Variants in MASTL observed in about 807,000 individuals in gnomAD.
MASTL encodes serine/threonine-protein kinase greatwall.
In MASTL, 54 loss-of-function variants were observed where a neutral mutation model predicts 82.5. The ratio of observed to expected loss-of-function variants is 0.65; its 90% CI spans 0.53 to 0.82. MASTL has a LOEUF of 0.82. Ranked by LOEUF, MASTL falls within the 40% of genes least tolerant of loss-of-function variation. The probability of loss-of-function intolerance (pLI) is 0.00; values close to 1 mark genes in which losing one functional copy is unlikely to be tolerated. For missense variants in MASTL, 950 were observed against 1,047.8 expected (o/e 0.91, Z 1.29); for synonymous variants, 323 against 368.9 (o/e 0.88, Z 1.43).
In MASTL at chr10:27,173,741, C is replaced by T. The variant is rs140390846; in HGVS notation, c.2266+482C>T. Among the ~76,000 whole-genome samples the T allele has an allele frequency of 2.2e-3, 332 of 151,996 alleles. 3 individuals are homozygous for T. The highest frequency in any genetic ancestry group is 7.6e-3 in the African/African-American group (314 of 41,498). On this transcript the variant is annotated intron_variant, in intron 9 of 11. Coordinates refer to ENST00000375940, the MANE Select transcript of MASTL (RefSeq NM_001172303.3). ...GATTACAGGCATCCACCATCATGCC[C>T]GCCTAATTTTTGTATTTTTAGTAGA...
chr10:27,180,983 T>G lies in MASTL; in HGVS notation c.2297T>G (p.Val766Gly). The change falls in exon 10 of 12, where the codon GTT (valine) becomes GGT (glycine). Residue 766 changes from valine to glycine, a missense_variant. Physicochemically the swap from Val to Gly is moderately radical, Grantham distance 109. Coordinates refer to ENST00000375940, the MANE Select transcript of MASTL (RefSeq NM_001172303.3). ...GPAVDWWALG[V>G]CLFEFLTGIP... ...GCGGTAGACTGGTGGGCACTTGGAG[T>G]TTGCTTGTTTGAATTTCTAACAGGA... The G allele has an allele frequency of 6.2e-7, 1 of 1,613,618 alleles. No individual in the cohort carries two copies. Among genetic ancestry groups the G allele is most frequent in the Non-Finnish European group, 8.5e-7 (1 of 1,179,504 alleles).
At chr10:27,166,436 A>C (rs1588674987) in intron 6 of MASTL, among the ~76,000 whole-genome samples, 1 of 152,318 alleles carries the variant, frequency 6.6e-6, no homozygotes, top group South Asian at 2.1e-4. Flanking sequence ...TTCCTTTGTC[A>C]GGAATGGGTT....
chr10:27,168,032 T>C (rs906374176), intron 7 of MASTL, among the ~76,000 whole-genome samples: 1 of 152,224 alleles, frequency 6.6e-6, no homozygotes, highest in African/African-American at 2.4e-5. Context: ...GTTTCCTTCA[T>C]AGAAGGCTGA....
chr10:27,186,229 C>T, intron 11 of MASTL, 150 bp from the exon 12 acceptor site: 1 of 805,608 alleles, frequency 1.2e-6, no homozygotes, highest in South Asian at 1.5e-5. Flanking sequence ...AAGTATGTGG[C>T]CTAACAGACA....
At position 27,169,844 on chromosome 10, in the gene MASTL, T is replaced by C. The variant is rs190868863; in HGVS notation, c.985-100T>C. On this transcript the variant is annotated intron_variant, in intron 7 of 11. Coordinates refer to ENST00000375940, the MANE Select transcript of MASTL (RefSeq NM_001172303.3). ...TTGAAAGTGGCAACAGGTAGCATAA[T>C]AGTTTATGGGGTCATTTATCCTACC... 5.8e-3 allele frequency: 6,746 copies of C among 1,164,268 alleles called. 33 individuals carry two copies. The highest frequency in any genetic ancestry group is 7.7e-3 in the Non-Finnish European group (6,162 of 801,708). The allele number at this position is 1,164,268 out of a possible 1,614,324, so 72.1% of individuals were successfully genotyped here.
At chr10:27,158,783 T>C (rs910266057) in intron 2 of MASTL, 97 bp downstream of exon 2, 2 of 1,360,100 alleles carry the variant, frequency 1.5e-6, no homozygotes, top group African/African-American at 1.4e-5. Context: ...GTGCTTGCAT[T>C]TGAATTCTGG....
At chr10:27,177,207 A>C (rs2058129428) in intron 9 of MASTL, among the ~76,000 whole-genome samples, 1 of 152,126 alleles carries the variant, frequency 6.6e-6, no homozygotes, top group Admixed American at 6.6e-5. Flanking sequence ...GCACTCAGTA[A>C]CTGATATTAA....
At chr10:27,183,431 G>A (rs2058443563) in intron 11 of MASTL, among the ~76,000 whole-genome samples, 1 of 151,984 alleles carries the variant, frequency 6.6e-6, no homozygotes, top group African/African-American at 2.4e-5. Flanking sequence ...CTACAGGCAT[G>A]TGCCACCACG....
At chr10:27,181,428 C>A in intron 10 of MASTL, 52 bp from the exon 11 acceptor site, 1 of 1,274,794 alleles carries the variant, frequency 7.8e-7, no homozygotes, top group Non-Finnish European at 1.1e-6. Context: ...TCTCTGGATA[C>A]TATTATTTTG....
chr10:27,181,375 G>C, intron 10 of MASTL, 105 bp from the exon 11 acceptor site: 1 of 835,094 alleles, frequency 1.2e-6, no homozygotes, highest in Non-Finnish European at 2.0e-6. Context: ...TGGGTGACAA[G>C]AGTGAAACTC....
At chr10:27,168,672 C>T (rs1271751773) in intron 7 of MASTL, among the ~76,000 whole-genome samples, 4 of 152,020 alleles carry the variant, frequency 2.6e-5, no homozygotes, top group Admixed American at 2.0e-4. Flanking sequence ...CAAAAATTAA[C>T]TGGGCGTGGT....
At chr10:27,171,190 C>T (rs2057922661) in intron 8 of MASTL, 107 bp downstream of exon 8, 2 of 957,078 alleles carry the variant, frequency 2.1e-6, no homozygotes, top group Non-Finnish European at 3.2e-6. Context: ...TAGTTCTGTT[C>T]TTCTTGTTGA....
Position 27,180,993 on chromosome 10 carries a change from T to C in MASTL, c.2307T>C (p.Phe769=). Residue 769 remains phenylalanine, a synonymous_variant, in exon 10 of 12, where the codon TTT becomes TTC. Transcript: ENST00000375940. ...GGTGGGCACTTGGAGTTTGCTTGTT[T>C]GAATTTCTAACAGGAATTCCCCCTT... ...VDWWALGVCL[F]EFLTGIPPFN... is the part of the protein sequence containing the mutation. 6.2e-7 allele frequency: 1 copy of C among 1,613,914 alleles called. No individual in the cohort carries two copies. Among genetic ancestry groups the C allele is most frequent in the South Asian group, 1.1e-5 (1 of 91,084 alleles).
chr10:27,172,894 G>T (rs1311886817), intron 8 of MASTL, among the ~76,000 whole-genome samples: 1 of 151,824 alleles, frequency 6.6e-6, no homozygotes, highest in East Asian at 1.9e-4. Flanking sequence ...GATCTTATTG[G>T]AATAATCAGT....
At chr10:27,184,750 G>A (rs1238885980) in intron 11 of MASTL, among the ~76,000 whole-genome samples, 1 of 151,512 alleles carries the variant, frequency 6.6e-6, no homozygotes, top group African/African-American at 2.4e-5. Context: ...TAGTAGAGAC[G>A]GGGTTTCACC....
rs539255678 is a variant in MASTL, at chr10:27,156,238, A to T, written c.186+626A>T. Reference sequence around the variant, plus strand: ...ACGGGGTTTCACCGTGTTAGCCAGGATGGTCTCGATTCCCTGACCTCGTAT... The same window carrying T: ...ACGGGGTTTCACCGTGTTAGCCAGGTTGGTCTCGATTCCCTGACCTCGTAT... On this transcript the variant is annotated intron_variant, in intron 1 of 11. Coordinates refer to ENST00000375940, the MANE Select transcript of MASTL (RefSeq NM_001172303.3). Among the ~76,000 whole-genome samples the T allele has an allele frequency of 1.0e-3, 157 of 152,164 alleles. 1 individual carries two copies. The highest frequency in any genetic ancestry group is 1.6e-3 in the Admixed American group (25 of 15,280).
At chr10:27,175,639 C>T (rs1019932298) in intron 9 of MASTL, among the ~76,000 whole-genome samples, 2 of 152,026 alleles carry the variant, frequency 1.3e-5, no homozygotes, top group Non-Finnish European at 2.9e-5. Context: ...TTGCCCTACA[C>T]GTGCTCCATG....
chr10:27,185,233 G>A (rs761321009), intron 11 of MASTL, among the ~76,000 whole-genome samples: 1 of 152,194 alleles, frequency 6.6e-6, no homozygotes, highest in Admixed American at 6.5e-5. Flanking sequence ...CAAGGCCTTA[G>A]AGTCAAAACT....
chr10:27,178,485 C>T (rs901443804), intron 9 of MASTL, among the ~76,000 whole-genome samples: 1 of 150,924 alleles, frequency 6.6e-6, no homozygotes, highest in East Asian at 1.9e-4. Flanking sequence ...AAAAGTGTAA[C>T]AATATCAACA....
Sources: allele counts gnomAD v4.1 joint callset (sites outside exome capture counted in the v4.1 genomes callset), GRCh38; gene constraint gnomAD v4.1.1; transcripts MANE v1.5; gene names NCBI Gene and HGNC (gene_info 2026-07-23, HGNC 2026-07-21).